Variants in HMCN2 observed in about 807,000 individuals in gnomAD.
HMCN2 encodes the protein hemicentin 2.
A neutral mutation model predicts 377.5 loss-of-function variants in HMCN2; 325 were observed. The ratio of observed to expected loss-of-function variants is 0.86; its 90% CI spans 0.79 to 0.94. The LOEUF (loss-of-function observed/expected upper bound fraction) is 0.94. Among genes scored for constraint, HMCN2 ranks in the 40% least tolerant of loss-of-function variants. HMCN2 has a pLI of 0.00. For missense variants in HMCN2, 4,543 were observed against 4,725.3 expected (o/e 0.96, Z 1.13); for synonymous variants, 2,007 against 2,046.8 (o/e 0.98, Z 0.53).
At chr9:130,322,423 A>C (rs1235509514) in intron 19 of HMCN2, among the ~76,000 whole-genome samples, 1 of 152,198 alleles carries the variant, frequency 6.6e-6, no homozygotes, top group African/African-American at 2.4e-5. Context: ...ACCTATTTAA[A>C]AACCAAATAG....
At chr9:130,417,531 A>AAC (rs1724188895) in intron 85 of HMCN2, among the ~76,000 whole-genome samples, 1 of 145,670 alleles carries the variant, frequency 6.9e-6, no homozygotes, top group African/African-American at 2.6e-5. Flanking sequence ...CAAAAAAAAA[A>AAC]AAAAAACAAA....
chr9:130,421,580 G>A lies in HMCN2; in HGVS notation c.13232-997G>A, dbSNP rs1001526447. Among the ~76,000 whole-genome samples, 4 of 152,196 alleles carry A rather than the reference G, an allele frequency of 2.6e-5. 1 individual carries two copies. The highest frequency in any genetic ancestry group is 4.2e-4 in the South Asian group (2 of 4,812). Reference sequence around the variant, plus strand: ...ATTTCCTGTCCCCTTCCAAAGCTGCGCGGGTCACACTCCAGCCTTCTCATC... The same window carrying A: ...ATTTCCTGTCCCCTTCCAAAGCTGCACGGGTCACACTCCAGCCTTCTCATC... On this transcript the variant is annotated intron_variant, in intron 86 of 97. Coordinates refer to ENST00000683500, the MANE Select transcript of HMCN2 (RefSeq NM_001291815.2).
intron 23 of HMCN2, among the ~76,000 whole-genome samples, chr9:130,340,888 G>A (rs1414343159): frequency 3.3e-5 from 5 of 152,236 alleles, no homozygotes; most frequent in African/African-American, 9.6e-5. Context: ...TCAGCCCTAA[G>A]GGTTGAGTCT....
At position 130,423,054 on chromosome 9, in the gene HMCN2, C is replaced by G. The variant is rs2131804613; in HGVS notation, c.13381+328C>G. Among the ~76,000 whole-genome samples, 1 of 152,322 alleles carries G rather than the reference C, an allele frequency of 6.6e-6. No individual in the cohort carries two copies. Among genetic ancestry groups the G allele is most frequent in the South Asian group, 2.1e-4 (1 of 4,818 alleles). ...CCAAGCCACCGATGGCTCCCTGAGG[C>G]TTTTCCCCATTTAAGTTAAAGCTCA... On this transcript the variant is annotated intron_variant, in intron 87 of 97. Coordinates refer to ENST00000683500, the MANE Select transcript of HMCN2 (RefSeq NM_001291815.2). The surrounding 1 kb of genome is among the most constrained non-coding windows in gnomAD (Gnocchi z 5.5).
At chr9:130,390,947 G>T (rs2131672187) in intron 62 of HMCN2, 30 bp from the exon 63 acceptor site, 7 of 986,052 alleles carry the variant, frequency 7.1e-6, no homozygotes, top group Non-Finnish European at 8.4e-6. Context: ...GAAGGGGCTG[G>T]GGGATTCAGG....
chr9:130,268,413 C>A (rs1564731891), intron 1 of HMCN2, among the ~76,000 whole-genome samples: 1 of 124,586 alleles, frequency 8.0e-6, no homozygotes, highest in African/African-American at 2.5e-5. Context: ...CACCATGGAG[C>A]CCTTGATCTG....
chr9:130,430,084 C>T, intron 94 of HMCN2, 200 bp from the exon 95 acceptor site: 1 of 616,144 alleles, frequency 1.6e-6, no homozygotes, highest in Non-Finnish European at 2.8e-6. Context: ...GGAGGCTGGG[C>T]CTCTGGGAGC....
intron 7 of HMCN2, among the ~76,000 whole-genome samples, chr9:130,297,480 T>C (rs1212775073): frequency 6.6e-6 from 1 of 152,194 alleles, no homozygotes; most frequent in Non-Finnish European, 1.5e-5. Context: ...GGTGGCCAGA[T>C]CAAAGGTCTC....
At chr9:130,292,997 T>C (rs201707073) in intron 4 of HMCN2, among the ~76,000 whole-genome samples, 157 of 106,614 alleles carry the variant, frequency 1.5e-3, no homozygotes, top group African/African-American at 4.3e-3. Context: ...TATCTATCTA[T>C]CTACCTACCT....
rs1839437705 is a variant in HMCN2 at position 130,347,239 on chromosome 9, A to T, written c.3903A>T (p.Ala1301=). 6.6e-6 allele frequency: 1 copy of T among 152,220 alleles called. No individual in the cohort carries two copies. The highest frequency in any genetic ancestry group is 2.1e-4 in the South Asian group (1 of 4,826). The allele number at this position is 152,220 out of a possible 1,614,324, so 9.4% of individuals were successfully genotyped here. A position where few individuals can be genotyped will look rare whatever the true frequency, so the allele number is the denominator to read the frequency against. Reference sequence around the variant, plus strand: ...CCCTGCATGGCCAGCCAGGTGTGGCAGTGCTGGAGGAGGGGTCTCTGTTCC... The same window carrying T: ...CCCTGCATGGCCAGCCAGGTGTGGCTGTGCTGGAGGAGGGGTCTCTGTTCC... ...SEPLHGQPGV[A]VLEEGSLFLA... is the part of the protein sequence containing the mutation. Residue 1301 remains alanine, a synonymous_variant, in exon 26 of 98, where the codon GCA becomes GCT. Coordinates refer to ENST00000683500, the MANE Select transcript of HMCN2 (RefSeq NM_001291815.2). The surrounding 1 kb of genome is among the most constrained non-coding windows in gnomAD (Gnocchi z 5.1).
At chr9:130,270,299 T>G (rs570557646) in intron 1 of HMCN2, among the ~76,000 whole-genome samples, 17,571 of 114,552 alleles carry the variant, frequency 0.15, 2,262 homozygotes, top group African/African-American at 0.17. Context: ...TTGTTTGTTT[T>G]TTTTTTTCCC....
rs1844670731 is a variant in HMCN2, at chr9:130,430,464, C to T, written c.14507C>T (p.Pro4836Leu). Reference sequence around the variant, plus strand: ...GTCAGCCACCGAGGCCCTCTATTGCCCTGGCTGCGGCCCTGGGCCTCGATC... The same window carrying T: ...GTCAGCCACCGAGGCCCTCTATTGCTCTGGCTGCGGCCCTGGGCCTCGATC... ...TTVSHRGPLL[P>L]WLRPWASIPG... Residue 4836 changes from proline (P) to leucine (L), a missense_variant, in exon 95 of 98, where the codon CCC (proline) becomes CTC (leucine). This residue lies in a region of HMCN2 where 1,155 missense variants were observed against 1,157.7 expected (regional missense o/e 1.00). Transcript: ENST00000683500. 2 of 1,550,612 alleles carry T rather than the reference C, an allele frequency of 1.3e-6. No individual in the cohort carries two copies. Among genetic ancestry groups the T allele is most frequent in the Non-Finnish European group, 1.7e-6 (2 of 1,146,978 alleles).
At chr9:130,391,721 T>C (rs972343804) in intron 65 of HMCN2, 147 bp downstream of exon 65, 3 of 772,982 alleles carry the variant, frequency 3.9e-6, no homozygotes, top group African/African-American at 3.8e-5. Flanking sequence ...TAGAGGACAA[T>C]AGTGCCAGCC....
At chr9:130,373,707 A>ATG (rs1354843791) in intron 48 of HMCN2, among the ~76,000 whole-genome samples, 1,918 of 115,434 alleles carry the variant, frequency 0.017, 166 homozygotes, top group African/African-American at 0.057. Context: ...ATGGATAGGT[A>ATG]GATGGATGGA....
At chr9:130,356,003 G>A (rs1840006163) in intron 33 of HMCN2, 85 bp from the exon 34 acceptor site, 25 of 986,282 alleles carry the variant, frequency 2.5e-5, no homozygotes, top group Non-Finnish European at 3.4e-5. Flanking sequence ...GCAGGTGGGA[G>A]GAACTTCTAG....
intron 15 of HMCN2, among the ~76,000 whole-genome samples, chr9:130,315,859 T>C (rs1837536727): frequency 6.6e-6 from 1 of 152,158 alleles, no homozygotes; most frequent in African/African-American, 2.4e-5. Flanking sequence ...CTGGCATCTC[T>C]TCTTAAAAGG....
At chr9:130,420,065 CTTT>C (rs10586199) in intron 86 of HMCN2, among the ~76,000 whole-genome samples, 1,822 of 76,984 alleles carry the variant, frequency 0.024, 18 homozygotes, top group East Asian at 0.08. Context: ...CGTCCCACTT[CTTT>C]TTTTTTTTTT....
intron 15 of HMCN2, among the ~76,000 whole-genome samples, chr9:130,310,649 C>T (rs28971541): frequency 1.0e-4 from 11 of 108,122 alleles, no homozygotes; most frequent in African/African-American, 2.5e-4. Context: ...CACCAGGAGG[C>T]GGGGGCTACC....
chr9:130,393,980 C>T lies in HMCN2; in HGVS notation c.10473C>T (p.Ala3491=). ...SCVAVSEAGE[A]RRHFQLTVME... is the part of the protein sequence containing the mutation. ...TGGCCGTGAGCGAGGCGGGGGAAGCCAGGAGGCATTTCCAGCTGACCGTCA... is the reference window on the plus strand; with the variant it reads ...TGGCCGTGAGCGAGGCGGGGGAAGCTAGGAGGCATTTCCAGCTGACCGTCA... Residue 3491 remains alanine, a synonymous_variant, in exon 68 of 98, where the codon GCC becomes GCT. Coordinates refer to ENST00000683500, the MANE Select transcript of HMCN2 (RefSeq NM_001291815.2). The surrounding 1 kb of genome is among the most constrained non-coding windows in gnomAD (Gnocchi z 5.2). 1 of 1,275,098 alleles carries T rather than the reference C, an allele frequency of 7.8e-7. No homozygotes were observed. The highest frequency in any genetic ancestry group is 1.5e-5 in the African/African-American group (1 of 65,438). The allele number at this position is 1,275,098 out of a possible 1,614,324, so 79.0% of individuals were successfully genotyped here.
Sources: gnomAD v4.1 joint callset for allele counts (sites outside exome capture counted in the v4.1 genomes callset) on GRCh38, gnomAD v4.1.1 for gene constraint, gnomAD v4.1.1 regional missense constraint, Gnocchi (gnomAD v3.1) non-coding constraint, MANE v1.5 for transcripts, NCBI Gene and HGNC (gene_info 2026-07-23, HGNC 2026-07-21) for gene names.